ZNF423: variants seen among roughly 807,000 people sequenced by gnomAD.
ZNF423 encodes the protein zinc finger protein 423.
Under a neutral mutation model 95.8 loss-of-function variants are expected in ZNF423, and 12 were observed. The ratio of observed to expected loss-of-function variants is 0.13; its 90% CI spans 0.08 to 0.20. The LOEUF (loss-of-function observed/expected upper bound fraction) is 0.20, where lower values mean the gene tolerates loss of function less well. Ranked by LOEUF, ZNF423 falls within the 10% of genes least tolerant of loss-of-function variation. ZNF423 has a pLI of 1.00. For missense variants in ZNF423, 1,316 were observed against 1,737.1 expected (o/e 0.76, Z 4.31); for synonymous variants, 749 against 711.9 (o/e 1.05, Z -0.83).
In ZNF423 at chr16:49,855,355, C is replaced by T. The variant is rs1567373567; in HGVS notation, c.40+380G>A. On this transcript the variant is annotated intron_variant, in intron 1 of 7. Transcript: ENST00000563137. This position sits in a 1 kb window ranked among gnomAD's most constrained non-coding sequence, Gnocchi z 4.7. ...CCCGCCGCCGCCGAGATTCGCAATC[C>T]CCGCCAAGTCGGGCCAGCACCCCTT... Among the ~76,000 whole-genome samples, 1 of 151,014 alleles carries T rather than the reference C, an allele frequency of 6.6e-6. No individual in the cohort carries two copies. The highest frequency in any genetic ancestry group is 1.5e-5 in the Non-Finnish European group (1 of 67,608).
chr16:49,620,246 C>T (rs1347002439), intron 5 of ZNF423, among the ~76,000 whole-genome samples: 2 of 146,790 alleles, frequency 1.4e-5, no homozygotes. Context: ...GACACATACA[C>T]ACACAGACAC....
intron 3 of ZNF423, among the ~76,000 whole-genome samples, chr16:49,674,476 C>A (rs72780328): frequency 0.018 from 2,706 of 152,216 alleles, 40 homozygotes; most frequent in Non-Finnish European, 0.027. Context: ...GGCTCTGAGA[C>A]GTGATGTCAC....
At chr16:49,808,012 G>A (rs928630066) in intron 1 of ZNF423, among the ~76,000 whole-genome samples, 5 of 151,758 alleles carry the variant, frequency 3.3e-5, no homozygotes, top group African/African-American at 7.3e-5. Flanking sequence ...CCTAAGCAGC[G>A]TTACTCAAGA....
At chr16:49,564,685 G>C (rs578030249) in intron 5 of ZNF423, among the ~76,000 whole-genome samples, 1 of 152,190 alleles carries the variant, frequency 6.6e-6, no homozygotes, top group African/African-American at 2.4e-5. Flanking sequence ...TGGTGGCACT[G>C]AGCTCCTGGA....
At chr16:49,803,901 G>T (rs908904714) in intron 1 of ZNF423, among the ~76,000 whole-genome samples, 1 of 151,490 alleles carries the variant, frequency 6.6e-6, no homozygotes, top group Admixed American at 6.6e-5. Context: ...AGACTCAGGG[G>T]TGGGGAACCG....
chr16:49,531,654 T>C (rs1489275464), intron 5 of ZNF423, among the ~76,000 whole-genome samples: 6 of 151,978 alleles, frequency 3.9e-5, no homozygotes, highest in African/African-American at 1.5e-4. Flanking sequence ...CATGAAGAAA[T>C]TAACCAGTCC....
intron 2 of ZNF423, among the ~76,000 whole-genome samples, chr16:49,773,287 C>G (rs1310644037): frequency 2.0e-5 from 3 of 152,070 alleles, no homozygotes; most frequent in Non-Finnish European, 4.4e-5. Context: ...CCATTGCACT[C>G]CAGCCTGGGT....
At chr16:49,731,053 A>G in intron 2 of ZNF423, 82 bp from the exon 3 acceptor site, 1 of 1,483,770 alleles carries the variant, frequency 6.7e-7, no homozygotes, top group East Asian at 2.3e-5. Flanking sequence ...GCATTTATTA[A>G]GATACATTTA....
chr16:49,521,934 G>A (rs538177098), intron 7 of ZNF423, among the ~76,000 whole-genome samples: 2 of 152,326 alleles, frequency 1.3e-5, no homozygotes, highest in Admixed American at 6.5e-5. Context: ...GCAGACAGGC[G>A]GGCCCAGGCC....
At chr16:49,623,145 A>G (rs1030392983) in intron 5 of ZNF423, among the ~76,000 whole-genome samples, 9 of 152,060 alleles carry the variant, frequency 5.9e-5, no homozygotes, top group African/African-American at 7.2e-5. Flanking sequence ...TGGAATCTGC[A>G]CTCGGGGACC....
At chr16:49,655,684 G>C (rs191975064) in intron 3 of ZNF423, among the ~76,000 whole-genome samples, 2 of 152,260 alleles carry the variant, frequency 1.3e-5, no homozygotes, top group East Asian at 3.9e-4. Context: ...GGAATAAATT[G>C]CCATGTCCTC....
At chr16:49,545,877 G>C (rs567812350) in intron 5 of ZNF423, among the ~76,000 whole-genome samples, 5 of 152,282 alleles carry the variant, frequency 3.3e-5, no homozygotes, top group Admixed American at 1.3e-4. Flanking sequence ...AAATCTCTAC[G>C]AGGAGGTCAT....
At position 49,797,821 on chromosome 16, in the gene ZNF423, C is replaced by T. The variant is rs563113823; in HGVS notation, c.41-8275G>A. Among the ~76,000 whole-genome samples the T allele has an allele frequency of 9.2e-5, 14 of 152,304 alleles. No homozygotes were observed. The South Asian group carries it at 2.9e-3, about 32-fold the overall frequency. On this transcript the variant is annotated intron_variant, in intron 1 of 7. Transcript: ENST00000563137. ...GAAGTGAGAGTGAAAGGGACAGGACCCTCTGGCTCTGTCTCATGGGTCTCT... is the reference window on the plus strand; with the variant it reads ...GAAGTGAGAGTGAAAGGGACAGGACTCTCTGGCTCTGTCTCATGGGTCTCT...
At chr16:49,689,243 A>G (rs1186113944) in intron 3 of ZNF423, among the ~76,000 whole-genome samples, 1 of 151,150 alleles carries the variant, frequency 6.6e-6, no homozygotes, top group Non-Finnish European at 1.5e-5. Flanking sequence ...GGAGTTCCAG[A>G]CCAGCCTGGG....
chr16:49,730,711 T>C (rs1444308545), intron 3 of ZNF423, 60 bp downstream of exon 3: 1 of 1,556,078 alleles, frequency 6.4e-7, no homozygotes, highest in East Asian at 2.2e-5. Flanking sequence ...CTTCAAGCTG[T>C]TGCTATGTCC....
chr16:49,519,250 T>C (rs943158313), intron 7 of ZNF423, among the ~76,000 whole-genome samples: 1 of 152,236 alleles, frequency 6.6e-6, no homozygotes, highest in African/African-American at 2.4e-5. Context: ...ATCATTCATG[T>C]AGAGGTATTG....
chr16:49,747,925 A>C (rs2033558096), intron 2 of ZNF423, among the ~76,000 whole-genome samples: 1 of 152,230 alleles, frequency 6.6e-6, no homozygotes, highest in Non-Finnish European at 1.5e-5. Context: ...GGAGGAGCCT[A>C]GCCCTGGTTA....
intron 5 of ZNF423, among the ~76,000 whole-genome samples, chr16:49,552,163 T>C (rs1425302897): frequency 6.6e-6 from 1 of 152,210 alleles, no homozygotes; most frequent in Non-Finnish European, 1.5e-5. Context: ...CGTGCAGCTG[T>C]TGCACCAACT....
At chr16:49,645,826 GGTT>G (rs1006847613) in intron 3 of ZNF423, among the ~76,000 whole-genome samples, 4 of 152,174 alleles carry the variant, frequency 2.6e-5, no homozygotes, top group Admixed American at 2.6e-4. Context: ...GAGATCTGAT[GGTT>G]GTATTAAGGG....
Sources: gnomAD v4.1 joint callset for allele counts (sites outside exome capture counted in the v4.1 genomes callset) on GRCh38, gnomAD v4.1.1 for gene constraint, Gnocchi (gnomAD v3.1) non-coding constraint, MANE v1.5 for transcripts, NCBI Gene and HGNC (gene_info 2026-07-23, HGNC 2026-07-21) for gene names.